Variants in INSL6 observed in about 807,000 individuals in gnomAD.
The protein encoded by INSL6 is insulin-like peptide INSL6.
Under a neutral mutation model 9.4 loss-of-function variants are expected in INSL6, and 16 were observed. The ratio of observed to expected loss-of-function variants is 1.70; its 90% confidence interval spans 1.15 to 2.59. INSL6 has a LOEUF of 2.59. Ranked by LOEUF, INSL6 falls within the 30% of genes most tolerant of loss-of-function variation. INSL6 has a pLI of 0.00. For missense variants in INSL6, 391 were observed against 257.3 expected (o/e 1.52, Z -3.56); for synonymous variants, 154 against 96.9 (o/e 1.59, Z -3.46).
chr9:5,174,115 C>T (rs1006652756), intron 1 of INSL6, among the ~76,000 whole-genome samples: 2 of 152,208 alleles, frequency 1.3e-5, no homozygotes, highest in Admixed American at 6.5e-5. Context: ...CAATCCTTCT[C>T]CGCATTCTTC....
the INSL6 span, among the ~76,000 whole-genome samples, chr9:5,006,552 G>C: frequency 6.6e-6 from 1 of 152,150 alleles, no homozygotes; most frequent in Non-Finnish European, 1.5e-5. Context: ...TGTACACAAG[G>C]CATGGCTGGG....
At chr9:5,047,813 C>T in the INSL6 span, among the ~76,000 whole-genome samples, 2 of 152,046 alleles carry the variant, frequency 1.3e-5, no homozygotes, top group African/African-American at 4.8e-5. Flanking sequence ...ATTGTCCAGG[C>T]TGGTTTCAAA....
the INSL6 span, among the ~76,000 whole-genome samples, chr9:5,053,544 G>T: frequency 6.6e-6 from 1 of 151,926 alleles, no homozygotes; most frequent in East Asian, 1.9e-4. Flanking sequence ...TGTGGTTTTA[G>T]CAACATGGAT....
At chr9:5,050,430 C>T in the INSL6 span, among the ~76,000 whole-genome samples, 1 of 152,032 alleles carries the variant, frequency 6.6e-6, no homozygotes, top group East Asian at 1.9e-4. Flanking sequence ...GCCACCATGC[C>T]TGGATAATTT....
chr9:4,998,833 C>T, the INSL6 span, among the ~76,000 whole-genome samples: 1 of 151,784 alleles, frequency 6.6e-6, no homozygotes. Flanking sequence ...TCAGTTTTCT[C>T]AGGAGTTCTT....
intron 2 of INSL6, among the ~76,000 whole-genome samples, chr9:5,147,731 C>T (rs140867953): frequency 2.0e-5 from 3 of 152,242 alleles, no homozygotes; most frequent in Non-Finnish European, 2.9e-5. Context: ...TCCCATATTT[C>T]TTGGATGTTT....
the INSL6 span, among the ~76,000 whole-genome samples, chr9:5,089,343 C>CCTGG: frequency 6.6e-6 from 1 of 151,962 alleles, no homozygotes; most frequent in African/African-American, 2.4e-5. Flanking sequence ...TCAAGACAAT[C>CCTGG]CTGGCTAACA....
intron 1 of INSL6, among the ~76,000 whole-genome samples, chr9:5,172,751 A>C (rs1825212347): frequency 1.3e-5 from 2 of 152,174 alleles, no homozygotes; most frequent in Non-Finnish European, 2.9e-5. Context: ...AATGTAGTGA[A>C]ACCCTGCCTC....
chr9:5,042,185 C>A, the INSL6 span, among the ~76,000 whole-genome samples: 1 of 142,026 alleles, frequency 7.0e-6, no homozygotes, highest in South Asian at 2.2e-4. Context: ...GGCCGGACTG[C>A]GGACTGCAGT....
At chr9:5,156,272 A>G (rs1220195432) in intron 2 of INSL6, among the ~76,000 whole-genome samples, 2 of 152,218 alleles carry the variant, frequency 1.3e-5, no homozygotes, top group Admixed American at 1.3e-4. Context: ...CAAGAAATAA[A>G]TCATATAATC....
At chr9:5,169,645 C>A (rs1364482127) in intron 1 of INSL6, among the ~76,000 whole-genome samples, 1 of 152,002 alleles carries the variant, frequency 6.6e-6, no homozygotes, top group African/African-American at 2.4e-5. Flanking sequence ...TGCAAAGACA[C>A]ACATAGACTC....
chr9:5,148,383 C>A (rs1351859435), intron 2 of INSL6, among the ~76,000 whole-genome samples: 1 of 152,146 alleles, frequency 6.6e-6, no homozygotes, highest in African/African-American at 2.4e-5. Flanking sequence ...CTGGCTTTTG[C>A]AGCTGTATTC....
At chr9:5,007,396 A>G in the INSL6 span, among the ~76,000 whole-genome samples, 1 of 152,046 alleles carries the variant, frequency 6.6e-6, no homozygotes, top group African/African-American at 2.4e-5. Context: ...ATTTTTCTGT[A>G]TATGCTGTGG....
the INSL6 span, chr9:5,099,763 C>T: frequency 6.6e-6 from 1 of 152,194 alleles, no homozygotes. Flanking sequence ...AACCTGATCC[C>T]TTATAATAAT....
At chr9:5,115,233 A>G in the INSL6 span, among the ~76,000 whole-genome samples, 1 of 152,234 alleles carries the variant, frequency 6.6e-6, no homozygotes, top group Non-Finnish European at 1.5e-5. Context: ...AAACAACCCC[A>G]TCAAAAAGTG....
chr9:5,041,300 A>C, the INSL6 span: 56 of 867,212 alleles, frequency 6.5e-5, no homozygotes, highest in Non-Finnish European at 9.9e-5. Flanking sequence ...TCTCAGGACC[A>C]AGAAGCACAT....
intron 2 of INSL6, among the ~76,000 whole-genome samples, chr9:5,146,927 A>G (rs1168573039): frequency 6.6e-6 from 1 of 152,134 alleles, no homozygotes; most frequent in African/African-American, 2.4e-5. Context: ...GTTAGCAAGC[A>G]TGACCAGGAT....
At chr9:5,095,332 A>C in the INSL6 span, among the ~76,000 whole-genome samples, 2 of 152,036 alleles carry the variant, frequency 1.3e-5, no homozygotes, top group African/African-American at 2.4e-5. Context: ...CCTAGGAATA[A>C]ATATAGTAGT....
rs1586884345 is a variant in INSL6 at position 5,185,534 on chromosome 9, C to G, written c.69G>C (p.Leu23=). The change falls in exon 1 of 2, where the codon CTG becomes CTC. Residue 23 remains leucine (L), a synonymous_variant. Coordinates refer to ENST00000381641, the MANE Select transcript of INSL6 (RefSeq NM_007179.3). ...GLLLVRFSRE[L]SDISSARKLC... is the part of the protein sequence containing the mutation. ...GCTTCCTGGCACTGCTGATGTCGCT[C>G]AGTTCACGAGAAAACCGAACCAGCA... 2 of 1,614,154 alleles carry G rather than the reference C, an allele frequency of 1.2e-6. No individual in the cohort carries two copies. The highest frequency in any genetic ancestry group is 2.2e-5 in the East Asian group (1 of 44,880).
Sources: gnomAD v4.1 joint callset for allele counts (sites outside exome capture counted in the v4.1 genomes callset) on GRCh38, gnomAD v4.1.1 for gene constraint, MANE v1.5 for transcripts, NCBI Gene and HGNC (gene_info 2026-07-23, HGNC 2026-07-21) for gene names.